QRSL1: variants seen among roughly 807,000 people sequenced by gnomAD.
The protein encoded by QRSL1 is glutaminyl-tRNA amidotransferase subunit QRSL1, also known as glutamyl-tRNA(Gln) amidotransferase subunit A, mitochondrial.
A neutral mutation model predicts 61.6 loss-of-function variants in QRSL1; 54 were observed. The ratio of observed to expected loss-of-function variants is 0.88; its 90% CI spans 0.70 to 1.10. The LOEUF (loss-of-function observed/expected upper bound fraction) is 1.10. Among genes scored for constraint, QRSL1 ranks in the 50% least tolerant of loss-of-function variants. QRSL1 has a pLI of 0.00. For missense variants in QRSL1, 505 were observed against 622.6 expected, an observed-to-expected ratio of 0.81 and a Z score of 2.01; for synonymous variants, 228 against 225.7, an observed-to-expected ratio of 1.01 and a Z score of -0.09.
At chr6:106,647,946 A>G (rs1313886279) in intron 4 of QRSL1, among the ~76,000 whole-genome samples, 1 of 148,608 alleles carries the variant, frequency 6.7e-6, no homozygotes, top group African/African-American at 2.5e-5. Context: ...CACTGCACCC[A>G]GCCAAAGTAC....
At chr6:106,661,683 GTTCTTTTTTT>G (rs1777357803) in intron 9 of QRSL1, among the ~76,000 whole-genome samples, 2 of 81,478 alleles carry the variant, frequency 2.5e-5, no homozygotes, top group South Asian at 9.3e-4. Context: ...AGAATGGTTA[GTTCTTTTTTT>G]TTTTTTTTTT....
At chr6:106,663,445 T>C (rs1777388815) in intron 10 of QRSL1, among the ~76,000 whole-genome samples, 2 of 152,202 alleles carry the variant, frequency 1.3e-5, no homozygotes, top group African/African-American at 4.8e-5. Flanking sequence ...CTGAGCAGCT[T>C]CCACTTCTGC....
chr6:106,631,361 A>G (rs2114694934), intron 1 of QRSL1, among the ~76,000 whole-genome samples: 1 of 152,318 alleles, frequency 6.6e-6, no homozygotes, highest in South Asian at 2.1e-4. Flanking sequence ...ACAGAAAGAG[A>G]CTCTAAAGAA....
intron 1 of QRSL1, among the ~76,000 whole-genome samples, chr6:106,639,636 C>A (rs1776986151): frequency 1.3e-5 from 2 of 152,046 alleles, no homozygotes; most frequent in East Asian, 3.9e-4. Context: ...TTAGTAAGTA[C>A]ATGTTATTAT....
rs1035230683 is a variant in QRSL1 at position 106,655,623 on chromosome 6, T to C, written c.1051T>C (p.Cys351Arg). Residue 351 changes from cysteine (C) to arginine (R), a missense_variant, in exon 9 of 11, where the codon TGT (cysteine) becomes CGT (arginine). Coordinates refer to ENST00000369046, the MANE Select transcript of QRSL1 (RefSeq NM_018292.5). ...RFDGLQYGHR[C>R]DIDVSTEAMY... ...CCTTTTCTTGTTTTCAGGTCACAGA[T>C]GTGACATTGATGTGTCCACTGAAGC... 1.2e-6 allele frequency: 2 copies of C among 1,606,822 alleles called. No homozygotes were observed. The highest frequency in any genetic ancestry group is 2.7e-5 in the African/African-American group (2 of 74,750).
intron 9 of QRSL1, among the ~76,000 whole-genome samples, chr6:106,661,580 A>AGTGTGTTGTTTTT (rs1777355843): frequency 6.6e-6 from 1 of 151,900 alleles, no homozygotes; most frequent in South Asian, 2.1e-4. Context: ...TTAGAGTAAA[A>AGTGTGTTGTTTTT]CATATTTCAC....
Position 106,629,725 on chromosome 6 carries a change from T to C in QRSL1, c.24+20T>C. ...CGAGAAGTGAGTGGAATTGGCCCGC[T>C]GAGGCCCCCGGGAGGGCGGAAAGTT... On this transcript the variant is annotated intron_variant, in intron 1 of 10. Coordinates refer to ENST00000369046, the MANE Select transcript of QRSL1 (RefSeq NM_018292.5). The C allele has an allele frequency of 6.2e-7, 1 of 1,600,186 alleles. No individual in the cohort carries two copies. Among genetic ancestry groups the C allele is most frequent in the Non-Finnish European group, 8.5e-7 (1 of 1,174,012 alleles).
Position 106,640,524 on chromosome 6 carries a change from C to G in QRSL1, c.184+16C>G, listed in dbSNP as rs1307681064. ...TATAAGAATGGTAAATTGCTTTTAA[C>G]TATACTTAATTGTTATATCTCCAGA... On this transcript the variant is annotated intron_variant, in intron 2 of 10. Coordinates refer to ENST00000369046, the MANE Select transcript of QRSL1 (RefSeq NM_018292.5). 2 of 1,529,620 alleles carry G rather than the reference C, an allele frequency of 1.3e-6. No individual in the cohort carries two copies. Among genetic ancestry groups the G allele is most frequent in the African/African-American group, 1.4e-5 (1 of 71,616 alleles). 94.8% of individuals were successfully genotyped at this position (1,529,620 alleles called of 1,614,324 possible).
intron 4 of QRSL1, 91 bp from the exon 5 acceptor site, chr6:106,648,934 G>A (rs1423688077): frequency 7.5e-7 from 1 of 1,332,366 alleles, no homozygotes; most frequent in African/African-American, 1.5e-5. Flanking sequence ...AATGCTCAAT[G>A]AGTGTCAGAA....
chr6:106,645,000 C>A (rs1453245410), intron 4 of QRSL1, among the ~76,000 whole-genome samples: 1 of 152,010 alleles, frequency 6.6e-6, no homozygotes, highest in African/African-American at 2.4e-5. Context: ...AAAAGATTAT[C>A]CTTTTCTTGT....
intron 1 of QRSL1, among the ~76,000 whole-genome samples, chr6:106,633,608 C>G (rs1272309109): frequency 6.6e-6 from 1 of 152,032 alleles, no homozygotes; most frequent in African/African-American, 2.4e-5. Flanking sequence ...AAATTTTACC[C>G]AAGTACATTC....
At chr6:106,655,554 A>T in intron 8 of QRSL1, 61 bp from the exon 9 acceptor site, 1 of 986,796 alleles carries the variant, frequency 1.0e-6, no homozygotes. Flanking sequence ...GCCTGATTTT[A>T]GCCAAAACTT....
At chr6:106,641,824 T>A (rs529481935) in intron 3 of QRSL1, among the ~76,000 whole-genome samples, 1 of 152,304 alleles carries the variant, frequency 6.6e-6, no homozygotes, top group South Asian at 2.1e-4. Flanking sequence ...ATTTCAAAAA[T>A]ACTGGGTACA....
chr6:106,652,466 G>C lies in QRSL1; in HGVS notation c.734-1G>C. 1 of 1,614,124 alleles carries C rather than the reference G, an allele frequency of 6.2e-7. No individual in the cohort carries two copies. The highest frequency in any genetic ancestry group is 8.5e-7 in the Non-Finnish European group (1 of 1,179,982). On this transcript the variant is annotated splice_acceptor_variant, in intron 6 of 10. Coordinates refer to ENST00000369046, the MANE Select transcript of QRSL1 (RefSeq NM_018292.5). LOFTEE classifies it high-confidence loss of function. ...TCATTCATAAGTATTGCTCCTTACA[G>C]GTGCACTGGCCGGACCTGACCCCAG...
At position 106,652,587 on chromosome 6, in the gene QRSL1, C is replaced by A; in HGVS notation, c.849+5C>A. On this transcript the variant is annotated splice_donor_5th_base_variant and intron_variant, in intron 7 of 10. Coordinates refer to ENST00000369046, the MANE Select transcript of QRSL1 (RefSeq NM_018292.5). ...CTATGTATAGGAATTCCAAAGGTAA[C>A]TTTTTCCTTTCATTACTTTACAGAA... is the stretch of plus-strand genomic sequence containing the variant. The A allele has an allele frequency of 6.2e-7, 1 of 1,614,038 alleles. No individual in the cohort carries two copies. The highest frequency in any genetic ancestry group is 1.1e-5 in the South Asian group (1 of 91,066).
intron 9 of QRSL1, among the ~76,000 whole-genome samples, chr6:106,660,349 G>A (rs555964554): frequency 6.7e-5 from 10 of 149,640 alleles, no homozygotes; most frequent in African/African-American, 2.5e-4. Flanking sequence ...GTGAAGCTAG[G>A]ACTACTGTAG....
At chr6:106,646,910 C>G (rs1307133240) in intron 4 of QRSL1, among the ~76,000 whole-genome samples, 1 of 151,530 alleles carries the variant, frequency 6.6e-6, no homozygotes, top group African/African-American at 2.4e-5. Flanking sequence ...CGCCTGTAGT[C>G]CCCGCTACTC....
intron 4 of QRSL1, among the ~76,000 whole-genome samples, chr6:106,648,131 A>T (rs1453643444): frequency 6.6e-6 from 1 of 151,608 alleles, no homozygotes; most frequent in African/African-American, 2.4e-5. Context: ...CCCCGTCTCT[A>T]CTGAAAATAC....
In QRSL1 at chr6:106,652,608, C is replaced by T. The variant is rs6925169; in HGVS notation, c.849+26C>T. 105,891 of 1,613,682 alleles carry T rather than the reference C, an allele frequency of 0.066. 4,330 individuals carry two copies. Among genetic ancestry groups the T allele is most frequent in the African/African-American group, 0.19 (14,200 of 74,978 alleles). On this transcript the variant is annotated intron_variant, in intron 7 of 10. Transcript: ENST00000369046. ...GTAACTTTTTCCTTTCATTACTTTA[C>T]AGAAATACTGTCAAGTCCAATAGAG...
Sources: allele counts gnomAD v4.1 joint callset (sites outside exome capture counted in the v4.1 genomes callset), GRCh38; gene constraint gnomAD v4.1.1; transcripts MANE v1.5; gene names NCBI Gene and HGNC (gene_info 2026-07-23, HGNC 2026-07-21).